PHF14: variants seen among roughly 807,000 people sequenced by gnomAD.
PHF14 encodes the protein PHD finger protein 14.
In PHF14, 55 loss-of-function variants were observed where a neutral mutation model predicts 117.9. That is an observed-to-expected ratio of 0.47 (90% CI 0.38 to 0.58). The LOEUF (loss-of-function observed/expected upper bound fraction) is 0.58. PHF14 is among the 20% of genes least tolerant of loss of function. PHF14 has a pLI of 0.00. For missense variants in PHF14, 978 were observed against 1,122.2 expected (o/e 0.87, Z 1.84); for synonymous variants, 409 against 368.6 (o/e 1.11, Z -1.26).
chr7:11,075,379 A>G (rs1285192112), intron 16 of PHF14, among the ~76,000 whole-genome samples: 1 of 152,158 alleles, frequency 6.6e-6, no homozygotes, highest in Non-Finnish European at 1.5e-5. Flanking sequence ...CCGGCTGTAC[A>G]AGCAGCATGG....
chr7:11,019,586 G>A (rs1251458826), intron 5 of PHF14, among the ~76,000 whole-genome samples: 1 of 152,010 alleles, frequency 6.6e-6, no homozygotes, highest in Non-Finnish European at 1.5e-5. Flanking sequence ...CAGTTATAAT[G>A]TCTCCTTTTT....
At chr7:10,989,930 C>G (rs1304007751) in intron 3 of PHF14, among the ~76,000 whole-genome samples, 10 of 152,182 alleles carry the variant, frequency 6.6e-5, no homozygotes, top group African/African-American at 2.2e-4. Flanking sequence ...CTGTGCCCAT[C>G]CTCTCTTTTT....
At chr7:11,071,901 TA>T (rs374318335) in intron 16 of PHF14, among the ~76,000 whole-genome samples, 2 of 152,300 alleles carry the variant, frequency 1.3e-5, no homozygotes, top group African/African-American at 4.8e-5. Flanking sequence ...TTTTGGATAT[TA>T]AAAAAGTAAG....
intron 14 of PHF14, among the ~76,000 whole-genome samples, chr7:11,060,688 G>T (rs1375510652): frequency 6.6e-6 from 1 of 152,172 alleles, no homozygotes; most frequent in East Asian, 1.9e-4. Context: ...AATTGTAGAT[G>T]CAGGATCTGC....
At position 11,102,076 on chromosome 7, in the gene PHF14, A is replaced by G. The variant is rs568543197; in HGVS notation, c.2655-9274A>G. 9.2e-5 allele frequency among the ~76,000 whole-genome samples: 14 copies of G among 151,904 alleles called. No homozygotes were observed. The South Asian group carries it at 2.1e-3, about 22-fold the overall frequency. ...ATGTGCTTGTTTTCAGCACAGTTTT[A>G]TGTTTTCTCAAGCGATGTTAAATTG... On this transcript the variant is annotated intron_variant, in intron 16 of 17. Coordinates refer to ENST00000634607, the MANE Select transcript of PHF14 (RefSeq NM_001007157.2).
At chr7:11,129,811 A>G (rs1287256189) in intron 17 of PHF14, among the ~76,000 whole-genome samples, 1 of 152,002 alleles carries the variant, frequency 6.6e-6, no homozygotes, top group African/African-American at 2.4e-5. Flanking sequence ...GCATTTAATT[A>G]TGATATCAAA....
chr7:11,102,997 A>G (rs1409458319), intron 16 of PHF14: 1 of 995,330 alleles, frequency 1.0e-6, no homozygotes, highest in African/African-American at 1.7e-5. Context: ...AACAAGAAAG[A>G]CAATGCATTC....
At chr7:11,115,209 G>T (rs1173212309) in intron 17 of PHF14, among the ~76,000 whole-genome samples, 1 of 151,724 alleles carries the variant, frequency 6.6e-6, no homozygotes, top group Non-Finnish European at 1.5e-5. Context: ...TCTTGATTTA[G>T]TGCCTCACTT....
At chr7:11,148,147 T>C (rs573093885) in intron 17 of PHF14, among the ~76,000 whole-genome samples, 10 of 152,308 alleles carry the variant, frequency 6.6e-5, no homozygotes, top group East Asian at 3.9e-4. Flanking sequence ...ACTGCTTCCT[T>C]ATCTCTGTAT....
chr7:11,073,004 A>C (rs1583436955), intron 16 of PHF14, among the ~76,000 whole-genome samples: 1 of 152,206 alleles, frequency 6.6e-6, no homozygotes, highest in Admixed American at 6.5e-5. Context: ...AACACCTCCC[A>C]CCAGGCCCAC....
intron 14 of PHF14, among the ~76,000 whole-genome samples, chr7:11,059,563 G>C (rs1406959355): frequency 1.3e-5 from 2 of 152,124 alleles, no homozygotes; most frequent in African/African-American, 4.8e-5. Flanking sequence ...ATCGCTTTAG[G>C]TCAGGAGTTC....
At chr7:11,020,334 C>T (rs1466395540) in intron 5 of PHF14, among the ~76,000 whole-genome samples, 1 of 152,124 alleles carries the variant, frequency 6.6e-6, no homozygotes, top group Non-Finnish European at 1.5e-5. Flanking sequence ...AAGCAGTCCT[C>T]CCACCTCAGC....
chr7:11,055,648 C>A (rs1270142490), intron 14 of PHF14, among the ~76,000 whole-genome samples: 4 of 152,094 alleles, frequency 2.6e-5, no homozygotes, highest in African/African-American at 9.7e-5. Context: ...TTTTCCATCG[C>A]ACTTAACAAT....
intron 4 of PHF14, among the ~76,000 whole-genome samples, chr7:10,991,464 C>G (rs879464061): frequency 6.6e-6 from 1 of 152,012 alleles, no homozygotes; most frequent in Non-Finnish European, 1.5e-5. Context: ...CGTGAACTAC[C>G]GCGCCCGGCC....
chr7:11,027,760 T>G (rs1375058214), intron 6 of PHF14, among the ~76,000 whole-genome samples: 4 of 152,120 alleles, frequency 2.6e-5, no homozygotes, highest in Non-Finnish European at 4.4e-5. Flanking sequence ...AATGCCTAGA[T>G]TTTTTGTTGG....
intron 3 of PHF14, among the ~76,000 whole-genome samples, chr7:10,985,912 C>G (rs1296208218): frequency 6.6e-6 from 1 of 152,012 alleles, no homozygotes; most frequent in Non-Finnish European, 1.5e-5. Context: ...CTTGGCCTCC[C>G]AAAGTGCTGG....
intron 4 of PHF14, among the ~76,000 whole-genome samples, chr7:11,002,654 G>A (rs900353262): frequency 6.6e-6 from 1 of 151,940 alleles, no homozygotes; most frequent in Non-Finnish European, 1.5e-5. Flanking sequence ...TGTTGGTCAG[G>A]CTGGTCTTGA....
At chr7:11,020,861 G>C (rs1425486690) in intron 5 of PHF14, among the ~76,000 whole-genome samples, 1 of 151,914 alleles carries the variant, frequency 6.6e-6, no homozygotes, top group African/African-American at 2.4e-5. Context: ...AACATTTCTT[G>C]AGTGAAGACA....
At chr7:11,076,193 T>C (rs1436253162) in intron 16 of PHF14, among the ~76,000 whole-genome samples, 2 of 152,232 alleles carry the variant, frequency 1.3e-5, no homozygotes. Flanking sequence ...ACAGAGTCCA[T>C]GGTTTTAACC....
Sources: gnomAD v4.1 joint callset for allele counts (sites outside exome capture counted in the v4.1 genomes callset) on GRCh38, gnomAD v4.1.1 for gene constraint, MANE v1.5 for transcripts, NCBI Gene and HGNC (gene_info 2026-07-23, HGNC 2026-07-21) for gene names.